Variants in ZNF85 observed in about 807,000 individuals in gnomAD.
ZNF85 encodes the protein zinc finger protein 85, also known as zinc finger protein 85 (HPF4, HTF1).
A neutral mutation model predicts 53.9 loss-of-function variants in ZNF85; 50 were observed. The ratio of observed to expected loss-of-function variants is 0.93; its 90% CI spans 0.74 to 1.17. ZNF85 has a LOEUF of 1.17. ZNF85 is among the 50% of genes most tolerant of loss of function. ZNF85 has a pLI of 0.00. For synonymous variants in ZNF85, 225 were observed against 226.1 expected (o/e 1.00, Z 0.04); for missense variants, 747 against 688.5 (o/e 1.08, Z -0.95).
At position 20,945,955 on chromosome 19, in the gene ZNF85, CTA is replaced by C. The variant is rs1326766476; in HGVS notation, c.230-2787_230-2786del. Among the ~76,000 whole-genome samples, 3 of 151,662 alleles carry C rather than the reference CTA, an allele frequency of 2.0e-5. No homozygotes were observed. The East Asian group carries it at 5.8e-4, about 29-fold the overall frequency. On this transcript the variant is annotated intron_variant, in intron 3 of 3. Coordinates refer to ENST00000328178, the MANE Select transcript of ZNF85 (RefSeq NM_003429.5). ...GTATGTACTGCATTCTCTTATTAGT[CTA>C]TGTTTTCAGCTTTATACTTATACCA...
At position 20,948,746 on chromosome 19, in the gene ZNF85, A is replaced by G. The variant is rs193252937; in HGVS notation, c.232A>G (p.Met78Val). The change falls in exon 4 of 4, where the codon ATG becomes GTG. Residue 78 changes from methionine to valine, a missense_variant and splice_region_variant. By Grantham distance (21) the Met-to-Val change is conservative. Coordinates refer to ENST00000328178, the MANE Select transcript of ZNF85 (RefSeq NM_003429.5). The part of the protein sequence containing the change: ...HEIMVAKPTV[M>V]CSHFAQDLWP... ...TTTGTCATTTTTGTTTCTTTCAGTT[A>G]TGTGTTCTCATTTTGCCCAAGACCT... is the stretch of plus-strand genomic sequence containing the variant. The G allele has an allele frequency of 1.4e-5, 21 of 1,542,516 alleles. No individual in the cohort carries two copies. Among genetic ancestry groups the G allele is most frequent in the East Asian group, 4.5e-5 (2 of 44,270 alleles).
At chr19:20,948,685 TA>T in intron 3 of ZNF85, 58 bp from the exon 4 acceptor site, 2 of 1,290,852 alleles carry the variant, frequency 1.5e-6, no homozygotes. Flanking sequence ...ATTACATTTG[TA>T]AACTATCTTC....
At chr19:20,928,770 G>C (rs1233540670) in intron 1 of ZNF85, 1 of 151,340 alleles carries the variant, frequency 6.6e-6, no homozygotes, top group East Asian at 1.9e-4. Context: ...TCATCTGCCT[G>C]CACAGGCACA....
At chr19:20,947,093 A>G (rs954402939) in intron 3 of ZNF85, among the ~76,000 whole-genome samples, 10 of 151,680 alleles carry the variant, frequency 6.6e-5, no homozygotes, top group African/African-American at 2.2e-4. Flanking sequence ...TTATATCTCT[A>G]TACAGATTTT....
intron 1 of ZNF85, chr19:20,928,177 G>A (rs1485231905): frequency 6.6e-6 from 1 of 152,158 alleles, no homozygotes; most frequent in African/African-American, 2.4e-5. Flanking sequence ...TGGGGTTTGT[G>A]ACTGGCATCT....
chr19:20,946,438 T>TGTCTTG (rs202002566), intron 3 of ZNF85: 5 of 323,976 alleles, frequency 1.5e-5, no homozygotes, highest in South Asian at 2.6e-5. Flanking sequence ...TCTAATATTC[T>TGTCTTG]TTTTTTTTAT....
chr19:20,934,863 G>T, intron 2 of ZNF85, 86 bp from the exon 3 acceptor site: 1 of 705,390 alleles, frequency 1.4e-6, no homozygotes, highest in Non-Finnish European at 2.2e-6. Context: ...TAGTATTTTG[G>T]GATTAATTTA....
intron 1 of ZNF85, among the ~76,000 whole-genome samples, chr19:20,929,194 T>C (rs1049406267): frequency 1.3e-5 from 2 of 151,732 alleles, no homozygotes; most frequent in East Asian, 1.9e-4. Flanking sequence ...TCTTCTTTTT[T>C]TTTTTTTTGT....
intron 3 of ZNF85, among the ~76,000 whole-genome samples, chr19:20,938,850 A>ATGTGTGTGTG (rs145473574): frequency 3.5e-5 from 5 of 140,986 alleles, no homozygotes; most frequent in African/African-American, 1.3e-4. Context: ...ATTCTGCTAT[A>ATGTGTGTGTG]TGTGTGTGTG....
chr19:20,932,000 C>T (rs73005122), intron 1 of ZNF85, among the ~76,000 whole-genome samples: 15,560 of 152,120 alleles, frequency 0.1, 888 homozygotes, highest in Non-Finnish European at 0.13. Flanking sequence ...TATTTTGATA[C>T]CCATGGAGCA....
chr19:20,932,492 G>A (rs751831578), intron 1 of ZNF85, among the ~76,000 whole-genome samples: 3 of 152,086 alleles, frequency 2.0e-5, no homozygotes, highest in Non-Finnish European at 2.9e-5. Flanking sequence ...TATTAAAAAT[G>A]TTCCCTTTGT....
Position 20,934,094 on chromosome 19 carries a change from A to G in ZNF85, c.74A>G (p.Gln25Arg). 2 of 1,612,996 alleles carry G rather than the reference A, an allele frequency of 1.2e-6. No homozygotes were observed. Among genetic ancestry groups the G allele is most frequent in the South Asian group, 1.1e-5 (1 of 91,046 alleles). ...LKEWQCLDTAQRNLYRNVMLE... is the reference protein window; with the variant it reads ...LKEWQCLDTARRNLYRNVMLE... ...GAGTGGCAATGCCTGGACACTGCAC[A>G]GCGGAATTTATATAGAAATGTGATG... Residue 25 changes from glutamine (Q) to arginine (R), a missense_variant, in exon 2 of 4, where the codon CAG (glutamine) becomes CGG (arginine). Physicochemically the swap from Gln to Arg is conservative, Grantham distance 43 (BLOSUM62 1). Transcript: ENST00000328178.
rs144547908 is a variant in ZNF85, at chr19:20,948,855, T to C, written c.341T>C (p.Leu114Ser). 4.5e-5 allele frequency: 73 copies of C among 1,612,928 alleles called. No homozygotes were observed. Among genetic ancestry groups the C allele is most frequent in the Non-Finnish European group, 5.3e-5 (63 of 1,179,634 alleles). The change falls in exon 4 of 4, where the codon TTA (leucine) becomes TCA (serine). Residue 114 changes from leucine to serine, a missense_variant. Coordinates refer to ENST00000328178, the MANE Select transcript of ZNF85 (RefSeq NM_003429.5). ...AAATGTAGACATGAAAATTTACCAT[T>C]AAGAAAAGGCTGTGAAAGTATGGAT... ...YGKCRHENLP[L>S]RKGCESMDEC...
At position 20,923,565 on chromosome 19, in the gene ZNF85, G is replaced by C; in HGVS notation, c.3+162G>C. 2.4e-6 allele frequency: 3 copies of C among 1,263,566 alleles called. No homozygotes were observed. In the South Asian group the frequency reaches 4.2e-5, roughly 18 times the overall value. 78.3% of individuals were successfully genotyped at this position (1,263,566 alleles called of 1,614,324 possible). On this transcript the variant is annotated intron_variant, in intron 1 of 3. Transcript: ENST00000328178. ...CCAGTTCCTCCAGCCATAAGATGGC[G>C]GCTGCGCTGACAGCCGGCCCGGGCG...
chr19:20,941,769 G>A (rs1361293264), intron 3 of ZNF85, among the ~76,000 whole-genome samples: 1 of 151,954 alleles, frequency 6.6e-6, no homozygotes, highest in African/African-American at 2.4e-5. Context: ...TCTATTGAAT[G>A]TTTTCTTTGA....
In ZNF85 at chr19:20,935,001, G is replaced by C. The variant is rs922327108; in HGVS notation, c.183G>C (p.Glu61Asp). ...DLITCLEQGK[E>D]AWSMKRHEIM... ...TCACTTGTCTGGAGCAAGGGAAAGA[G>C]GCCTGGAGTATGAAGAGACATGAGA... Residue 61 changes from glutamate to aspartate, a missense_variant, in exon 3 of 4, where the codon GAG (glutamate) becomes GAC (aspartate). By Grantham distance (45) the Glu-to-Asp change is conservative. Transcript: ENST00000328178. 13 of 1,611,760 alleles carry C rather than the reference G, an allele frequency of 8.1e-6. No homozygotes were observed. The highest frequency in any genetic ancestry group is 1.0e-5 in the Non-Finnish European group (12 of 1,178,958).
intron 3 of ZNF85, chr19:20,946,349 C>G (rs543514197): frequency 2.3e-6 from 1 of 430,766 alleles, no homozygotes; most frequent in South Asian, 1.7e-5. Flanking sequence ...AGGTGTATAT[C>G]CTGATGTTAC....
intron 1 of ZNF85, among the ~76,000 whole-genome samples, chr19:20,924,226 G>T (rs1972829402): frequency 6.6e-6 from 1 of 152,098 alleles, no homozygotes; most frequent in African/African-American, 2.4e-5. Context: ...ACTTTTATAA[G>T]GTGCATGATA....
intron 2 of ZNF85, 117 bp downstream of exon 2, chr19:20,934,267 T>C: frequency 7.4e-7 from 1 of 1,359,172 alleles, no homozygotes; most frequent in Non-Finnish European, 1.0e-6. Context: ...GATCCCTGTT[T>C]TCAAGAAAAT....
Sources: allele counts gnomAD v4.1 joint callset (sites outside exome capture counted in the v4.1 genomes callset), GRCh38; gene constraint gnomAD v4.1.1; transcripts MANE v1.5; gene names NCBI Gene and HGNC (gene_info 2026-07-23, HGNC 2026-07-21).